The following TIAM1 variants were observed in gnomAD, a reference collection of about 807,000 sequenced individuals.
TIAM1 encodes the protein rho guanine nucleotide exchange factor TIAM1.
Under a neutral mutation model 163.5 loss-of-function variants are expected in TIAM1, and 65 were observed. The observed-to-expected ratio is 0.40, with a 90% CI of 0.33 to 0.49. The LOEUF is 0.49. Among genes scored for constraint, TIAM1 ranks in the 20% least tolerant of loss-of-function variants. The probability of loss-of-function intolerance (pLI) is 0.77; values close to 1 mark genes in which losing one functional copy is unlikely to be tolerated. For missense variants in TIAM1, 1,789 were observed against 2,044.7 expected, an observed-to-expected ratio of 0.87 and a Z score of 2.41; for synonymous variants, 833 against 810.1, an observed-to-expected ratio of 1.03 and a Z score of -0.48.
intron 1 of TIAM1, among the ~76,000 whole-genome samples, chr21:31,528,139 G>A (rs951248137): frequency 6.6e-6 from 1 of 152,140 alleles, no homozygotes; most frequent in Admixed American, 6.5e-5. Context: ...GGAGCAGGGA[G>A]GGGGGATGCC....
chr21:31,366,560 C>T (rs199955924), intron 2 of TIAM1, among the ~76,000 whole-genome samples: 1 of 152,166 alleles, frequency 6.6e-6, no homozygotes, highest in Non-Finnish European at 1.5e-5. Context: ...ATCCTACAGG[C>T]TTTCTTTGCA....
chr21:31,230,735 T>C (rs1377578550), intron 6 of TIAM1, among the ~76,000 whole-genome samples: 2 of 152,152 alleles, frequency 1.3e-5, no homozygotes, highest in Non-Finnish European at 2.9e-5. Flanking sequence ...GGTTTCACCA[T>C]GTTGGCCAGT....
At chr21:31,281,097 A>C (rs570422751) in intron 2 of TIAM1, among the ~76,000 whole-genome samples, 196 of 151,278 alleles carry the variant, frequency 1.3e-3, no homozygotes, top group African/African-American at 4.2e-3. Flanking sequence ...AAAAAAAAAA[A>C]AAAAAAAAAA....
intron 11 of TIAM1, 152 bp downstream of exon 11, chr21:31,209,893 A>G: frequency 1.4e-6 from 1 of 729,716 alleles, no homozygotes; most frequent in Non-Finnish European, 2.1e-6. Flanking sequence ...GAATACTATC[A>G]CAAAGGAATG....
At chr21:31,490,606 T>C (rs2046432406) in intron 1 of TIAM1, among the ~76,000 whole-genome samples, 1 of 152,092 alleles carries the variant, frequency 6.6e-6, no homozygotes, top group Non-Finnish European at 1.5e-5. Flanking sequence ...TATAAACCAA[T>C]GAGAGCCTCC....
intron 16 of TIAM1, among the ~76,000 whole-genome samples, chr21:31,155,166 T>G (rs1458341581): frequency 2.0e-5 from 3 of 152,196 alleles, no homozygotes; most frequent in African/African-American, 4.8e-5. Context: ...TTGCACACGT[T>G]TTGTCATCCA....
intron 13 of TIAM1, among the ~76,000 whole-genome samples, chr21:31,193,680 T>C (rs2085680676): frequency 6.6e-6 from 1 of 152,222 alleles, no homozygotes; most frequent in South Asian, 2.1e-4. Flanking sequence ...AGTAACATTT[T>C]CCTTTTAATG....
chr21:31,224,881 T>C (rs1212763559), intron 7 of TIAM1, among the ~76,000 whole-genome samples: 2 of 152,218 alleles, frequency 1.3e-5, no homozygotes, highest in Non-Finnish European at 2.9e-5. Context: ...AGATGGCTAT[T>C]ACTGACAGCT....
rs780562197 is a variant in TIAM1 at position 31,127,172 on chromosome 21, A to G, written c.4046-20T>C. ...CTGCATCTAAAGAAATTAAAACAACAATGAATCAGGGTATGTTTCAAGTGG... is the reference window on the plus strand; with the variant it reads ...CTGCATCTAAAGAAATTAAAACAACGATGAATCAGGGTATGTTTCAAGTGG... On this transcript the variant is annotated intron_variant, in intron 25 of 27. Coordinates refer to ENST00000541036, the MANE Select transcript of TIAM1 (RefSeq NM_001353694.2). The G allele has an allele frequency of 2.5e-6, 4 of 1,608,268 alleles. No individual in the cohort carries two copies. Among genetic ancestry groups the G allele is most frequent in the Non-Finnish European group, 3.4e-6 (4 of 1,174,910 alleles).
Position 31,135,935 on chromosome 21 carries a change from A to G in TIAM1, c.3881T>C (p.Phe1294Ser). 6.2e-7 allele frequency: 1 copy of G among 1,614,136 alleles called. No individual in the cohort carries two copies. The highest frequency in any genetic ancestry group is 8.5e-7 in the Non-Finnish European group (1 of 1,179,976). Residue 1294 changes from phenylalanine to serine, a missense_variant and splice_region_variant, in exon 23 of 28, where the codon TTC becomes TCC. By Grantham distance (155) the Phe-to-Ser change is radical (BLOSUM62 -2). This residue lies in a region of TIAM1 where 415 missense variants were observed against 439.2 expected (regional missense o/e 0.94). Coordinates refer to ENST00000541036, the MANE Select transcript of TIAM1 (RefSeq NM_001353694.2). Reference protein sequence around the residue: ...KWKKEPELAAFVFKTAVVLVY... With the variant: ...KWKKEPELAASVFKTAVVLVY... ...TAAAACGCTTTTCTGATACACACCG[A>G]ATGCTGCCAACTCTGGTTCCTTTTT...
At chr21:31,307,813 G>A (rs1460317114) in intron 2 of TIAM1, among the ~76,000 whole-genome samples, 1 of 152,162 alleles carries the variant, frequency 6.6e-6, no homozygotes, top group Non-Finnish European at 1.5e-5. Flanking sequence ...GAAGACACTG[G>A]AGAGGAGGGA....
Position 31,405,939 on chromosome 21 carries a change from T to C in TIAM1, c.-369+58044A>G, listed in dbSNP as rs962307849. Among the ~76,000 whole-genome samples the C allele has an allele frequency of 2.0e-5, 3 of 152,340 alleles. No homozygotes were observed. In the South Asian group the frequency reaches 6.2e-4, roughly 32 times the overall value. Reference sequence around the variant, plus strand: ...ACCACAAAACTCACCTCCACCTTCCTAAGCCTTAACTCTAATAAACCTCAA... The same window carrying C: ...ACCACAAAACTCACCTCCACCTTCCCAAGCCTTAACTCTAATAAACCTCAA... On this transcript the variant is annotated intron_variant, in intron 2 of 28. Coordinates refer to the TIAM1 transcript ENST00000286827.
chr21:31,494,071 C>G (rs1460201197), intron 1 of TIAM1, among the ~76,000 whole-genome samples: 1 of 152,170 alleles, frequency 6.6e-6, no homozygotes, highest in Non-Finnish European at 1.5e-5. Context: ...TGTGCCACTA[C>G]GCCCAGCTAA....
chr21:31,526,639 A>G (rs1329527162), intron 1 of TIAM1, among the ~76,000 whole-genome samples: 2 of 152,198 alleles, frequency 1.3e-5, no homozygotes, highest in Admixed American at 6.5e-5. Context: ...CACATATCTC[A>G]TCATGTACTT....
At chr21:31,194,798 C>G (rs1293439830) in intron 13 of TIAM1, among the ~76,000 whole-genome samples, 2 of 152,150 alleles carry the variant, frequency 1.3e-5, no homozygotes, top group Non-Finnish European at 2.9e-5. Flanking sequence ...TTTCTTCTTC[C>G]ACTGTTCTGT....
At chr21:31,557,990 A>G (rs1267740149) in intron 1 of TIAM1, among the ~76,000 whole-genome samples, 1 of 152,138 alleles carries the variant, frequency 6.6e-6, no homozygotes, top group Non-Finnish European at 1.5e-5. Flanking sequence ...TTTCCCCTGC[A>G]GCATCCCGCC....
At chr21:31,186,831 C>A (rs1601466666) in intron 14 of TIAM1, among the ~76,000 whole-genome samples, 170 bp downstream of exon 14, 1 of 152,098 alleles carries the variant, frequency 6.6e-6, no homozygotes, top group South Asian at 2.1e-4. Flanking sequence ...CTTTCTGGTA[C>A]ACTTAAGTTA....
At chr21:31,367,325 TG>T (rs2147147301) in intron 2 of TIAM1, among the ~76,000 whole-genome samples, 1 of 152,304 alleles carries the variant, frequency 6.6e-6, no homozygotes, top group Non-Finnish European at 1.5e-5. Flanking sequence ...TAGGTAGGTC[TG>T]TCAGTAACTC....
chr21:31,142,674 A>G lies in TIAM1; in HGVS notation c.3476-1170T>C, dbSNP rs139718600. Among the ~76,000 whole-genome samples the G allele has an allele frequency of 5.9e-5, 9 of 152,010 alleles. No homozygotes were observed. The East Asian group carries it at 1.4e-3, about 23-fold the overall frequency. ...AAGAAAAAAAGAAAAAGAAAAAGAAAAAAAAGGCAAGCAGATGCAGAAGCA... is the reference window on the plus strand; with the variant it reads ...AAGAAAAAAAGAAAAAGAAAAAGAAGAAAAAGGCAAGCAGATGCAGAAGCA... On this transcript the variant is annotated intron_variant, in intron 20 of 27. Transcript: ENST00000541036.
Sources: gnomAD v4.1 joint callset for allele counts (sites outside exome capture counted in the v4.1 genomes callset) on GRCh38, gnomAD v4.1.1 for gene constraint, gnomAD v4.1.1 regional missense constraint, MANE v1.5 for transcripts, NCBI Gene and HGNC (gene_info 2026-07-23, HGNC 2026-07-21) for gene names.